The following RAB5C variants were observed in gnomAD, a reference collection of about 807,000 sequenced individuals.
RAB5C encodes the protein RAB5C, member RAS oncogene family, also known as ras-related protein Rab-5C.
Under a neutral mutation model 25.2 loss-of-function variants are expected in RAB5C, and 4 were observed. The observed-to-expected ratio is 0.16, with a 90% CI of 0.08 to 0.36. RAB5C has a LOEUF of 0.36. Among genes scored for constraint, RAB5C ranks in the 10% least tolerant of loss-of-function variants. The pLI, the probability that RAB5C is intolerant of heterozygous loss-of-function variation, is 1.00. For missense variants in RAB5C, 199 were observed against 283.8 expected (o/e 0.70, Z 2.15); for synonymous variants, 100 against 106.4 (o/e 0.94, Z 0.37).
chr17:42,131,845 T>C, intron 1 of RAB5C: 1 of 502,572 alleles, frequency 2.0e-6, no homozygotes, highest in South Asian at 2.3e-5. Context: ...AGTGGATGTC[T>C]CATCAGACAT....
At chr17:42,137,527 T>C (rs1401262935) in intron 1 of RAB5C, among the ~76,000 whole-genome samples, 4 of 152,180 alleles carry the variant, frequency 2.6e-5, no homozygotes, top group Non-Finnish European at 5.9e-5. Flanking sequence ...GGAAACGATA[T>C]GAATGCAATC....
At chr17:42,142,437 T>C (rs1052149770) in intron 1 of RAB5C, among the ~76,000 whole-genome samples, 4 of 152,198 alleles carry the variant, frequency 2.6e-5, no homozygotes, top group Non-Finnish European at 5.9e-5. Context: ...GGGACAGGAA[T>C]AGAGCAGCTG....
chr17:42,126,199 T>C (rs554317928), intron 5 of RAB5C, among the ~76,000 whole-genome samples: 1 of 152,190 alleles, frequency 6.6e-6, no homozygotes, highest in African/African-American at 2.4e-5. Context: ...TGGCAGGCTC[T>C]GAAATGGGTG....
intron 1 of RAB5C, among the ~76,000 whole-genome samples, chr17:42,146,753 GAA>G (rs766655081): frequency 2.3e-5 from 3 of 132,454 alleles, no homozygotes; most frequent in African/African-American, 5.6e-5. Flanking sequence ...CATTTCAAAA[GAA>G]AAAAAAAAAA....
At chr17:42,145,410 T>A (rs2079629806) in intron 1 of RAB5C, among the ~76,000 whole-genome samples, 1 of 152,130 alleles carries the variant, frequency 6.6e-6, no homozygotes, top group South Asian at 2.1e-4. Flanking sequence ...GCTTGTGGAT[T>A]GTATGTACCC....
intron 1 of RAB5C, among the ~76,000 whole-genome samples, chr17:42,148,098 C>G (rs1430352003): frequency 1.4e-5 from 2 of 144,720 alleles, no homozygotes; most frequent in Non-Finnish European, 3.0e-5. Context: ...AACTCTGTCT[C>G]AAAAACAAAC....
intron 1 of RAB5C, among the ~76,000 whole-genome samples, chr17:42,135,597 C>T (rs1355871123): frequency 6.6e-6 from 1 of 152,168 alleles, no homozygotes; most frequent in East Asian, 1.9e-4. Flanking sequence ...GTGCTGTGCA[C>T]AACTCGTAAG....
intron 1 of RAB5C, among the ~76,000 whole-genome samples, chr17:42,139,038 A>G (rs967434377): frequency 2.6e-5 from 4 of 152,200 alleles, no homozygotes; most frequent in South Asian, 2.1e-4. Context: ...CCAGCTCTCA[A>G]TGACAGATGG....
Position 42,140,760 on chromosome 17 carries a change from A to G in RAB5C, c.-88-10170T>C, listed in dbSNP as rs972493406. Among the ~76,000 whole-genome samples the G allele has an allele frequency of 2.0e-5, 3 of 152,006 alleles. No individual in the cohort carries two copies. The East Asian group carries it at 5.8e-4, about 29-fold the overall frequency. Reference sequence around the variant, plus strand: ...AGGCTGGTCTCGAACTCCTAACCTCAGGTGATCCGCCTGCCTCAGCCTCCC... The same window carrying G: ...AGGCTGGTCTCGAACTCCTAACCTCGGGTGATCCGCCTGCCTCAGCCTCCC... On this transcript the variant is annotated intron_variant, in intron 1 of 5. Coordinates refer to ENST00000346213, the MANE Select transcript of RAB5C (RefSeq NM_004583.4).
At chr17:42,127,786 C>A (rs965079348) in intron 4 of RAB5C, among the ~76,000 whole-genome samples, 1 of 150,404 alleles carries the variant, frequency 6.6e-6, no homozygotes, top group African/African-American at 2.5e-5. Context: ...CCTCAGCCTG[C>A]AGAGTATTGG....
At chr17:42,132,335 C>T (rs146239852) in intron 1 of RAB5C, among the ~76,000 whole-genome samples, 1 of 152,136 alleles carries the variant, frequency 6.6e-6, no homozygotes, top group Non-Finnish European at 1.5e-5. Context: ...GAAGGAAGTA[C>T]GGGGTGGTGG....
intron 1 of RAB5C, among the ~76,000 whole-genome samples, chr17:42,144,073 A>C (rs1410860288): frequency 6.6e-6 from 1 of 152,084 alleles, no homozygotes; most frequent in Non-Finnish European, 1.5e-5. Flanking sequence ...AACGCGAGCC[A>C]CTGTGCCCGG....
At chr17:42,131,798 A>C in intron 1 of RAB5C, 1 of 562,216 alleles carries the variant, frequency 1.8e-6, no homozygotes, top group Non-Finnish European at 3.2e-6. Flanking sequence ...TTGCAGACAC[A>C]TGAGGAGCCT....
intron 1 of RAB5C, among the ~76,000 whole-genome samples, chr17:42,133,132 G>A (rs937880143): frequency 5.9e-5 from 9 of 152,176 alleles, no homozygotes; most frequent in Admixed American, 4.6e-4. Context: ...GGGAGGAGCC[G>A]CCCAGAGCCA....
At chr17:42,144,818 G>A (rs1440631629) in intron 1 of RAB5C, among the ~76,000 whole-genome samples, 3 of 150,476 alleles carry the variant, frequency 2.0e-5, no homozygotes, top group South Asian at 2.1e-4. Context: ...TCCCAGCTAC[G>A]CAGGAGGCTG....
In RAB5C at chr17:42,130,577, A is replaced by T. The variant is rs754394450; in HGVS notation, c.-75T>A. 10 of 1,586,756 alleles carry T rather than the reference A, an allele frequency of 6.3e-6. No individual in the cohort carries two copies. The South Asian group carries it at 1.1e-4, about 18-fold the overall frequency. On this transcript the variant is annotated 5_prime_UTR_variant, in exon 2 of 6. Coordinates refer to ENST00000346213, the MANE Select transcript of RAB5C (RefSeq NM_004583.4). ...CTATGCAAAGAGGCACTTAGTGGGGAGGGGGACCTCCAACTGTAAGGGAGA... is the reference window on the plus strand; with the variant it reads ...CTATGCAAAGAGGCACTTAGTGGGGTGGGGGACCTCCAACTGTAAGGGAGA...
Position 42,126,824 on chromosome 17 carries a change from TGTC to T in RAB5C, c.463_465del (p.Asp155del), listed in dbSNP as rs749269541. ...GATGTCTCCATGAACAGCAAACTGTTGTCGTCTGCATAGGCTTGTGCTTCCTGG... is the reference window on the plus strand; with the variant it reads ...GATGTCTCCATGAACAGCAAACTGTTGTCTGCATAGGCTTGTGCTTCCTGG... On this transcript the variant is annotated inframe_deletion, in exon 5 of 6. Transcript: ENST00000346213. 5 of 1,613,050 alleles carry T rather than the reference TGTC, an allele frequency of 3.1e-6. No individual in the cohort carries two copies. Among genetic ancestry groups the T allele is most frequent in the African/African-American group, 1.3e-5 (1 of 74,870 alleles).
At chr17:42,132,538 A>C (rs893833423) in intron 1 of RAB5C, among the ~76,000 whole-genome samples, 1 of 152,020 alleles carries the variant, frequency 6.6e-6, no homozygotes, top group African/African-American at 2.4e-5. Context: ...TGATGGAAGG[A>C]AATAATTTTT....
At chr17:42,127,568 G>C (rs1251537622) in intron 4 of RAB5C, among the ~76,000 whole-genome samples, 1 of 149,934 alleles carries the variant, frequency 6.7e-6, no homozygotes, top group Non-Finnish European at 1.5e-5. Context: ...TTTTGAGACA[G>C]GATCTCACTG....
Sources: allele counts gnomAD v4.1 joint callset (sites outside exome capture counted in the v4.1 genomes callset), GRCh38; gene constraint gnomAD v4.1.1; transcripts MANE v1.5; gene names NCBI Gene and HGNC (gene_info 2026-07-23, HGNC 2026-07-21).